Variants in PTPN2 observed in about 807,000 individuals in gnomAD.
PTPN2 encodes the protein protein tyrosine phosphatase non-receptor type 2.
A neutral mutation model predicts 57.3 loss-of-function variants in PTPN2; 19 were observed. The ratio of observed to expected loss-of-function variants is 0.33; its 90% CI spans 0.23 to 0.49. The LOEUF (loss-of-function observed/expected upper bound fraction) is 0.49. Among genes scored for constraint, PTPN2 ranks in the 20% least tolerant of loss-of-function variants. The pLI, the probability that PTPN2 is intolerant of heterozygous loss-of-function variation, is 0.99. For synonymous variants in PTPN2, 153 were observed against 164.9 expected, an observed-to-expected ratio of 0.93 and a Z score of 0.55; for missense variants, 358 against 501.1, an observed-to-expected ratio of 0.71 and a Z score of 2.73.
In PTPN2 at chr18:12,826,409, C is replaced by G. The variant is rs538118887; in HGVS notation, c.361-465G>C. On this transcript the variant is annotated intron_variant, in intron 4 of 8. Transcript: ENST00000309660. ...CAGAGCAAGACTCCATCTCGGGGAG[C>G]AGGGCGGGTAGAGATTGAAATTTTA... 6.9e-4 allele frequency among the ~76,000 whole-genome samples: 105 copies of G among 152,182 alleles called. 1 individual carries two copies. Among genetic ancestry groups the G allele is most frequent in the African/African-American group, 2.5e-3 (103 of 41,508 alleles).
chr18:12,792,993 AG>A lies in PTPN2; in HGVS notation c.*1284del, dbSNP rs2041029595. ...ACAAGGCAGAGATGCTGTGGTTGAA[AG>A]TAACCTCTTGACCCACCTGGACATC... On this transcript the variant is annotated 3_prime_UTR_variant, in exon 9 of 9. Coordinates refer to ENST00000309660, the MANE Select transcript of PTPN2 (RefSeq NM_002828.4). 1.5e-5 allele frequency: 15 copies of A among 984,856 alleles called. No homozygotes were observed. In the South Asian group the frequency reaches 7.1e-4, roughly 46 times the overall value. 61.0% of individuals were successfully genotyped at this position (984,856 alleles called of 1,614,324 possible).
At chr18:12,827,359 AATAAT>A in intron 4 of PTPN2, among the ~76,000 whole-genome samples, 1 of 96,114 alleles carries the variant, frequency 1.0e-5, no homozygotes, top group African/African-American at 3.5e-5. Context: ...AAAAAAAAAT[AATAAT>A]AATAATAATG....
At chr18:12,832,420 T>G (rs948656467) in intron 3 of PTPN2, among the ~76,000 whole-genome samples, 9 of 152,160 alleles carry the variant, frequency 5.9e-5, no homozygotes, top group Admixed American at 5.9e-4. Flanking sequence ...CCCAGCTGAC[T>G]AAAAGCATCT....
intron 4 of PTPN2, among the ~76,000 whole-genome samples, chr18:12,826,155 CA>C (rs1274054956): frequency 6.6e-6 from 1 of 152,228 alleles, no homozygotes; most frequent in Non-Finnish European, 1.5e-5. Flanking sequence ...GTAATCCCAA[CA>C]ATTTGGGAGG....
At chr18:12,843,006 C>G (rs1006300578) in intron 2 of PTPN2, among the ~76,000 whole-genome samples, 1 of 152,152 alleles carries the variant, frequency 6.6e-6, no homozygotes, top group African/African-American at 2.4e-5. Flanking sequence ...AAAGGAAAAG[C>G]GCAGAAACCT....
In PTPN2 at chr18:12,816,235, G is replaced by C. The variant is rs1293783625; in HGVS notation, c.705+921C>G. ...GGATCACTTGAGTCCAGGAGGTTGA[G>C]GCTGCAGTGAGCAGTGATTGCACCA... On this transcript the variant is annotated intron_variant, in intron 6 of 8. Coordinates refer to ENST00000309660, the MANE Select transcript of PTPN2 (RefSeq NM_002828.4). Among the ~76,000 whole-genome samples the C allele has an allele frequency of 2.4e-4, 37 of 152,174 alleles. 1 individual carries two copies. The highest frequency in any genetic ancestry group is 2.4e-3 in the Admixed American group (37 of 15,264).
intron 2 of PTPN2, among the ~76,000 whole-genome samples, chr18:12,848,648 A>G (rs549695327): frequency 6.6e-6 from 1 of 152,366 alleles, no homozygotes; most frequent in African/African-American, 2.4e-5. Context: ...ACAAGAGTAA[A>G]GAAGTTGCTT....
In PTPN2 at chr18:12,793,095, A is replaced by G. The variant is rs1598725118; in HGVS notation, c.*1183T>C. On this transcript the variant is annotated 3_prime_UTR_variant, in exon 9 of 9. Transcript: ENST00000309660. ...ATGTATGCTATCCATGCCTCCTAGC[A>G]ATTAAATTTGTAACAACAATTTCAA... 1.0e-6 allele frequency: 1 copy of G among 985,090 alleles called. No individual in the cohort carries two copies. Among genetic ancestry groups the G allele is most frequent in the Admixed American group, 6.1e-5 (1 of 16,268 alleles). The allele number at this position is 985,090 out of a possible 1,614,324, so 61.0% of individuals were successfully genotyped here.
At chr18:12,839,281 C>G (rs1424005203) in intron 2 of PTPN2, among the ~76,000 whole-genome samples, 1 of 152,184 alleles carries the variant, frequency 6.6e-6, no homozygotes, top group Admixed American at 6.5e-5. Flanking sequence ...CCTTAACAAC[C>G]TGAGTCACAG....
intron 1 of PTPN2, chr18:12,872,160 C>T (rs977923738): frequency 2.6e-5 from 4 of 152,114 alleles, no homozygotes; most frequent in African/African-American, 9.7e-5. Flanking sequence ...TAGGGCTACC[C>T]TGATTGATGT....
At chr18:12,883,424 G>A (rs1448060492) in intron 1 of PTPN2, among the ~76,000 whole-genome samples, 1 of 152,188 alleles carries the variant, frequency 6.6e-6, no homozygotes, top group Non-Finnish European at 1.5e-5. Context: ...CTCGCCAGAG[G>A]CCACGAGCCA....
chr18:12,815,071 G>GA (rs969381142), intron 6 of PTPN2, among the ~76,000 whole-genome samples: 7 of 148,690 alleles, frequency 4.7e-5, no homozygotes, highest in African/African-American at 1.7e-4. Flanking sequence ...GCGACAGAGC[G>GA]AGACTCCATC....
At chr18:12,804,663 C>G (rs1032583374) in intron 7 of PTPN2, among the ~76,000 whole-genome samples, 1 of 152,088 alleles carries the variant, frequency 6.6e-6, no homozygotes, top group Non-Finnish European at 1.5e-5. Context: ...TAGACACACA[C>G]GAACTATCAA....
chr18:12,870,828 C>T (rs1209066049), intron 1 of PTPN2, among the ~76,000 whole-genome samples: 1 of 151,930 alleles, frequency 6.6e-6, no homozygotes, highest in Non-Finnish European at 1.5e-5. Flanking sequence ...TATTTTTTTA[C>T]TTATATTTAC....
At chr18:12,823,582 G>T (rs1409594109) in intron 5 of PTPN2, among the ~76,000 whole-genome samples, 1 of 152,136 alleles carries the variant, frequency 6.6e-6, no homozygotes, top group Non-Finnish European at 1.5e-5. Context: ...GGCTAGGACA[G>T]GAGAATCACT....
intron 1 of PTPN2, among the ~76,000 whole-genome samples, chr18:12,860,758 C>T (rs774738566): frequency 2.7e-5 from 4 of 150,194 alleles, no homozygotes; most frequent in Non-Finnish European, 5.9e-5. Context: ...TCATCCTAGG[C>T]GCCTTCGGGT....
Position 12,794,476 on chromosome 18 carries a change from C to T in PTPN2, c.1050G>A (p.Arg350=), listed in dbSNP as rs748638261. The change falls in exon 9 of 9, where the codon CGG becomes CGA. Residue 350 remains arginine (R), a synonymous_variant. Transcript: ENST00000309660. The part of the protein sequence containing the change: ...TMEENSESAL[R]KRIREDRKAT... ...CCTTTCTGTCCTCTCGAATACGTTT[C>T]CGTAGAGCACTATGAGGAAATAAAA... 1 of 1,612,960 alleles carries T rather than the reference C, an allele frequency of 6.2e-7. No individual in the cohort carries two copies. The highest frequency in any genetic ancestry group is 1.3e-5 in the African/African-American group (1 of 74,848).
chr18:12,879,135 T>C (rs558054910), intron 1 of PTPN2, among the ~76,000 whole-genome samples: 1 of 152,186 alleles, frequency 6.6e-6, no homozygotes, highest in Non-Finnish European at 1.5e-5. Flanking sequence ...ACTGCACCCT[T>C]TGTTTTGCTG....
intron 7 of PTPN2, among the ~76,000 whole-genome samples, chr18:12,807,171 T>C (rs932483615): frequency 2.0e-5 from 3 of 151,962 alleles, no homozygotes; most frequent in Non-Finnish European, 4.4e-5. Flanking sequence ...AGCCAACAGA[T>C]ACATGAGAAA....
Sources: gnomAD v4.1 joint callset for allele counts (sites outside exome capture counted in the v4.1 genomes callset) on GRCh38, gnomAD v4.1.1 for gene constraint, MANE v1.5 for transcripts, NCBI Gene and HGNC (gene_info 2026-07-23, HGNC 2026-07-21) for gene names.